PARD3B: variants seen among roughly 807,000 people sequenced by gnomAD.
PARD3B encodes the protein par-3 family cell polarity regulator beta.
A neutral mutation model predicts 130.2 loss-of-function variants in PARD3B; 103 were observed. That is an observed-to-expected ratio of 0.79 (90% CI 0.67 to 0.93). PARD3B has a LOEUF of 0.93. Among genes scored for constraint, PARD3B ranks in the 40% least tolerant of loss-of-function variants. The pLI is 0.00. For missense variants in PARD3B, 1,609 were observed against 1,499.2 expected (o/e 1.07, Z -1.21); for synonymous variants, 583 against 553.2 (o/e 1.05, Z -0.76).
intron 2 of PARD3B, among the ~76,000 whole-genome samples, chr2:204,914,389 T>C (rs186970435): frequency 6.6e-6 from 1 of 152,352 alleles, no homozygotes; most frequent in Non-Finnish European, 1.5e-5. Context: ...AGCCATTTTC[T>C]TAAGCTTAAC....
intron 2 of PARD3B, among the ~76,000 whole-genome samples, chr2:204,777,235 AT>A (rs909313090): frequency 2.0e-5 from 3 of 152,098 alleles, no homozygotes; most frequent in Admixed American, 6.6e-5. Context: ...TAGACAGATC[AT>A]TTTTTTTCCC....
Position 205,118,907 on chromosome 2 carries a change from A to G in PARD3B, c.681-14A>G. The G allele has an allele frequency of 6.5e-7, 1 of 1,539,846 alleles. No individual in the cohort carries two copies. The highest frequency in any genetic ancestry group is 8.8e-7 in the Non-Finnish European group (1 of 1,137,304). On this transcript the variant is annotated splice_polypyrimidine_tract_variant and intron_variant, in intron 6 of 22. Coordinates refer to ENST00000406610, the MANE Select transcript of PARD3B (RefSeq NM_001302769.2). ...TATTCAGTAATTATATTTCAATCTA[A>G]ATTTTGCATTTAGGATTCTAGGACT...
At position 205,585,803 on chromosome 2, in the gene PARD3B, T is replaced by G. The variant is rs2054176778; in HGVS notation, c.3261-29653T>G. 6.6e-6 allele frequency among the ~76,000 whole-genome samples: 1 copy of G among 152,224 alleles called. No homozygotes were observed. Among genetic ancestry groups the G allele is most frequent in the African/African-American group, 2.4e-5 (1 of 41,552 alleles). The stretch of plus-strand genomic sequence containing the variant: ...GGCTTTGAACTGGATTTCGGTAGCT[T>G]TGTGGGCTCTTGCAGAAAGAAAGCC... On this transcript the variant is annotated intron_variant, in intron 22 of 22. Coordinates refer to ENST00000406610, the MANE Select transcript of PARD3B (RefSeq NM_001302769.2). This position sits in a 1 kb window ranked among gnomAD's most constrained non-coding sequence, Gnocchi z 5.4.
At chr2:204,742,566 G>T (rs1282204277) in intron 2 of PARD3B, among the ~76,000 whole-genome samples, 1 of 152,096 alleles carries the variant, frequency 6.6e-6, no homozygotes, top group African/African-American at 2.4e-5. Context: ...CTGTCTATAT[G>T]GTTTTAACCA....
chr2:205,271,034 A>G (rs940307802), intron 16 of PARD3B, among the ~76,000 whole-genome samples: 1 of 152,188 alleles, frequency 6.6e-6, no homozygotes, highest in Non-Finnish European at 1.5e-5. Flanking sequence ...AGAGACTGCC[A>G]TGCCACAAAA....
intron 4 of PARD3B, among the ~76,000 whole-genome samples, chr2:205,058,516 A>C (rs1318094154): frequency 6.6e-6 from 1 of 151,928 alleles, no homozygotes; most frequent in African/African-American, 2.4e-5. Context: ...GGAACCACCA[A>C]ATTCTTTTCC....
chr2:204,764,064 A>T (rs1288846811), intron 2 of PARD3B, among the ~76,000 whole-genome samples: 1 of 152,288 alleles, frequency 6.6e-6, no homozygotes, highest in East Asian at 1.9e-4. Context: ...AGGAGTGTGG[A>T]CACTAAGGGT....
chr2:205,162,378 C>A (rs2034555619), intron 11 of PARD3B, among the ~76,000 whole-genome samples: 1 of 152,238 alleles, frequency 6.6e-6, no homozygotes, highest in Non-Finnish European at 1.5e-5. Context: ...CCCTCTGAAG[C>A]ATAACTTGTA....
In PARD3B at chr2:204,673,027, A is replaced by G. The variant is rs915669864; in HGVS notation, c.121-13154A>G. Among the ~76,000 whole-genome samples, 3 of 152,232 alleles carry G rather than the reference A, an allele frequency of 2.0e-5. No homozygotes were observed. The highest frequency in any genetic ancestry group is 7.2e-5 in the African/African-American group (3 of 41,460). On this transcript the variant is annotated intron_variant, in intron 1 of 22. Coordinates refer to ENST00000406610, the MANE Select transcript of PARD3B (RefSeq NM_001302769.2). This position sits in a 1 kb window ranked among gnomAD's most constrained non-coding sequence, Gnocchi z 4.7. ...TGTGAATGTATGTGAATATGTAATG[A>G]ATTTCTCACAATCCAGTGAGGGTAG...
intron 2 of PARD3B, among the ~76,000 whole-genome samples, chr2:204,725,620 A>G (rs1035948917): frequency 4.6e-5 from 7 of 152,196 alleles, no homozygotes; most frequent in African/African-American, 7.2e-5. Flanking sequence ...TAAGATATCT[A>G]CTTTACATAT....
intron 18 of PARD3B, among the ~76,000 whole-genome samples, chr2:205,369,321 G>C (rs2044724478): frequency 1.3e-5 from 2 of 152,086 alleles, no homozygotes; most frequent in South Asian, 4.1e-4. Context: ...TCCTAATTCA[G>C]ACATTTATTT....
At chr2:204,643,113 C>CAAAAAAAAAAAAA in intron 1 of PARD3B, among the ~76,000 whole-genome samples, 1 of 4,306 alleles carries the variant, frequency 2.3e-4, no homozygotes, top group Admixed American at 3.4e-3. Flanking sequence ...GACTCTGTCT[C>CAAAAAAAAAAAAA]ACAAAAAAAA....
intron 15 of PARD3B, among the ~76,000 whole-genome samples, chr2:205,232,375 T>C (rs1214687437): frequency 6.6e-6 from 1 of 152,162 alleles, no homozygotes; most frequent in Non-Finnish European, 1.5e-5. Flanking sequence ...TTCAAGGTTG[T>C]AGTAAACTGT....
chr2:205,567,070 A>G (rs942075531), intron 22 of PARD3B, among the ~76,000 whole-genome samples: 10 of 152,208 alleles, frequency 6.6e-5, no homozygotes, highest in Non-Finnish European at 1.2e-4. Flanking sequence ...TATAAAACAG[A>G]ATAAATTTGT....
chr2:204,554,608 T>G (rs1294468089), intron 1 of PARD3B, among the ~76,000 whole-genome samples: 1 of 152,038 alleles, frequency 6.6e-6, no homozygotes, highest in Non-Finnish European at 1.5e-5. Flanking sequence ...TGATTTTTAT[T>G]ATTTTTTTCT....
At chr2:205,402,857 C>T (rs963641746) in intron 19 of PARD3B, among the ~76,000 whole-genome samples, 4 of 152,306 alleles carry the variant, frequency 2.6e-5, no homozygotes, top group African/African-American at 7.2e-5. Context: ...TTGTCTCAAT[C>T]ATGTGCTAGA....
intron 4 of PARD3B, among the ~76,000 whole-genome samples, chr2:205,068,556 CT>C: frequency 6.9e-6 from 1 of 145,558 alleles, no homozygotes; most frequent in African/African-American, 2.5e-5. Flanking sequence ...TTTAAGTAGC[CT>C]AAGAATAGAC....
intron 3 of PARD3B, among the ~76,000 whole-genome samples, chr2:204,990,979 A>G (rs1401721147): frequency 1.3e-5 from 2 of 152,200 alleles, no homozygotes; most frequent in Non-Finnish European, 2.9e-5. Flanking sequence ...ATTTCTCTAC[A>G]GGAACACACA....
intron 21 of PARD3B, among the ~76,000 whole-genome samples, chr2:205,518,846 T>C (rs1380951355): frequency 1.3e-5 from 2 of 152,186 alleles, no homozygotes; most frequent in Non-Finnish European, 2.9e-5. Flanking sequence ...GAACCTTAGT[T>C]TAGTTTAGCT....
Sources: gnomAD v4.1 joint callset for allele counts (sites outside exome capture counted in the v4.1 genomes callset) on GRCh38, gnomAD v4.1.1 for gene constraint, Gnocchi (gnomAD v3.1) non-coding constraint, MANE v1.5 for transcripts, NCBI Gene and HGNC (gene_info 2026-07-23, HGNC 2026-07-21) for gene names.